The following TRAPPC3L variants were observed in gnomAD, a reference collection of about 807,000 sequenced individuals.
TRAPPC3L encodes trafficking protein particle complex subunit 3-like protein.
TRAPPC3L carries 23 observed loss-of-function variants against 23.7 expected under a neutral mutation model. The observed-to-expected ratio is 0.97, with a 90% CI of 0.70 to 1.37. The LOEUF (loss-of-function observed/expected upper bound fraction) is 1.37, where lower values mean the gene tolerates loss of function less well. Ranked by LOEUF, TRAPPC3L falls within the 40% of genes most tolerant of loss-of-function variation. TRAPPC3L has a pLI of 0.00. For synonymous variants in TRAPPC3L, 81 were observed against 77.9 expected (o/e 1.04, Z -0.21); for missense variants, 212 against 216.8 (o/e 0.98, Z 0.14).
intron 3 of TRAPPC3L, among the ~76,000 whole-genome samples, chr6:116,537,189 A>G (rs1773153467): frequency 6.6e-6 from 1 of 152,238 alleles, no homozygotes; most frequent in African/African-American, 2.4e-5. Context: ...ATTGACAAGA[A>G]AGAATCTTGC....
chr6:116,516,044 T>C (rs1772219214), intron 3 of TRAPPC3L: 2 of 1,511,010 alleles, frequency 1.3e-6, no homozygotes, highest in Non-Finnish European at 1.8e-6. Context: ...TCTGTGATCC[T>C]CCTAACGTAT....
rs1157153129 is a variant in TRAPPC3L at position 116,543,942 on chromosome 6, T to TGTCC, written c.43-546_43-543dup. On this transcript the variant is annotated intron_variant, in intron 1 of 4. Transcript: ENST00000368602. Reference sequence around the variant, plus strand: ...TATTTCCTTATAGTTCTCCAAAATATGTCCCATTTTTAGAGTAAATTATAA... The same window carrying TGTCC: ...TATTTCCTTATAGTTCTCCAAAATATGTCCGTCCCATTTTTAGAGTAAATTATAA... 4 of 1,213,288 alleles carry TGTCC rather than the reference T, an allele frequency of 3.3e-6. No homozygotes were observed. In the African/African-American group the frequency reaches 4.6e-5, roughly 14 times the overall value. The allele number at this position is 1,213,288 out of a possible 1,614,324, so 75.2% of individuals were successfully genotyped here.
chr6:116,539,978 A>G (rs1240834096), intron 3 of TRAPPC3L, among the ~76,000 whole-genome samples: 1 of 152,172 alleles, frequency 6.6e-6, no homozygotes, highest in Non-Finnish European at 1.5e-5. Flanking sequence ...GAATGACTAA[A>G]CAATATTCTT....
chr6:116,500,809 A>T (rs1404681504), intron 3 of TRAPPC3L, 143 bp from the exon 4 acceptor site: 1 of 719,820 alleles, frequency 1.4e-6, no homozygotes, highest in East Asian at 2.7e-5. Flanking sequence ...CTTCACCCTT[A>T]GCTTTGCAAT....
chr6:116,500,146 G>A (rs1292650053), intron 4 of TRAPPC3L, among the ~76,000 whole-genome samples: 1 of 152,174 alleles, frequency 6.6e-6, no homozygotes, highest in South Asian at 2.1e-4. Context: ...AGGCACTGGG[G>A]CTGTGTGAGT....
At chr6:116,535,311 G>C (rs1198880217) in intron 3 of TRAPPC3L, among the ~76,000 whole-genome samples, 1 of 152,208 alleles carries the variant, frequency 6.6e-6, no homozygotes, top group Admixed American at 6.5e-5. Flanking sequence ...GGATCAGCAG[G>C]ATGTGGACTC....
intron 3 of TRAPPC3L, among the ~76,000 whole-genome samples, chr6:116,537,945 T>C (rs533933072): frequency 7.2e-5 from 11 of 152,324 alleles, no homozygotes; most frequent in South Asian, 6.2e-4. Context: ...CTGTGGCTAA[T>C]AGAGAATGGA....
chr6:116,540,262 G>A lies in TRAPPC3L; in HGVS notation c.240+101C>T, dbSNP rs1773355115. 3 of 1,061,702 alleles carry A rather than the reference G, an allele frequency of 2.8e-6. No homozygotes were observed. The East Asian group carries it at 7.8e-5, about 28-fold the overall frequency. 65.8% of individuals were successfully genotyped at this position (1,061,702 alleles called of 1,614,324 possible). ...ATCTCCTTTCTCAGCACCTAACAAT[G>A]AATGCAGATGGAACCTGTCCAATCT... is the stretch of plus-strand genomic sequence containing the variant. On this transcript the variant is annotated intron_variant, in intron 3 of 4. Coordinates refer to ENST00000368602, the MANE Select transcript of TRAPPC3L (RefSeq NM_001139444.3).
chr6:116,544,956 G>A (rs973938576), intron 1 of TRAPPC3L, among the ~76,000 whole-genome samples: 1 of 151,854 alleles, frequency 6.6e-6, no homozygotes, highest in Non-Finnish European at 1.5e-5. Flanking sequence ...AAAAAATAAG[G>A]TTTATAAATA....
chr6:116,506,221 T>G (rs1772004776), intron 3 of TRAPPC3L, among the ~76,000 whole-genome samples: 1 of 152,156 alleles, frequency 6.6e-6, no homozygotes, highest in Admixed American at 6.5e-5. Flanking sequence ...GAACAGACAC[T>G]TGTCAAAAAA....
At chr6:116,511,967 G>A (rs375098148) in intron 3 of TRAPPC3L, 2 of 1,613,894 alleles carry the variant, frequency 1.2e-6, no homozygotes, top group South Asian at 1.1e-5. Context: ...CTTTCCCAGA[G>A]GCCACAGCTG....
chr6:116,514,547 C>T (rs1480317336), intron 3 of TRAPPC3L, among the ~76,000 whole-genome samples: 1 of 152,180 alleles, frequency 6.6e-6, no homozygotes, highest in Non-Finnish European at 1.5e-5. Flanking sequence ...TCAAATTACC[C>T]TTCAAGGTGA....
chr6:116,512,160 A>G, intron 3 of TRAPPC3L: 1 of 1,613,070 alleles, frequency 6.2e-7, no homozygotes, highest in Non-Finnish European at 8.5e-7. Context: ...GAACTTCACA[A>G]AGTATCTTGT....
At chr6:116,515,718 A>G (rs2115168378) in intron 3 of TRAPPC3L, 1 of 1,614,044 alleles carries the variant, frequency 6.2e-7, no homozygotes, top group Non-Finnish European at 8.5e-7. Flanking sequence ...ACATATGCAC[A>G]AAAGGAGAAG....
At chr6:116,498,368 G>A (rs193275357) in intron 4 of TRAPPC3L, among the ~76,000 whole-genome samples, 4 of 152,270 alleles carry the variant, frequency 2.6e-5, no homozygotes, top group Non-Finnish European at 4.4e-5. Context: ...TAGGGTAGAC[G>A]CATGGAGAAT....
At chr6:116,527,227 A>G (rs1772455806) in intron 3 of TRAPPC3L, among the ~76,000 whole-genome samples, 1 of 152,150 alleles carries the variant, frequency 6.6e-6, no homozygotes, top group Admixed American at 6.5e-5. Context: ...TTCTTTATTA[A>G]AGATTCCCGG....
chr6:116,543,662 A>C (rs1773598123), intron 1 of TRAPPC3L: 2 of 721,196 alleles, frequency 2.8e-6, no homozygotes, highest in Admixed American at 5.7e-5. Flanking sequence ...ATTTGCTTAC[A>C]TGATAACTTG....
chr6:116,544,799 AAATTAC>A, intron 1 of TRAPPC3L, among the ~76,000 whole-genome samples: 1 of 152,092 alleles, frequency 6.6e-6, no homozygotes, highest in Non-Finnish European at 1.5e-5. Flanking sequence ...ACCAAGTCTG[AAATTAC>A]TTAATTATAT....
At chr6:116,528,558 A>G (rs1772520734) in intron 3 of TRAPPC3L, among the ~76,000 whole-genome samples, 1 of 152,238 alleles carries the variant, frequency 6.6e-6, no homozygotes, top group African/African-American at 2.4e-5. Flanking sequence ...AATAATTTAT[A>G]AATTGTTTTT....
Sources: gnomAD v4.1 joint callset for allele counts (sites outside exome capture counted in the v4.1 genomes callset) on GRCh38, gnomAD v4.1.1 for gene constraint, MANE v1.5 for transcripts, NCBI Gene and HGNC (gene_info 2026-07-23, HGNC 2026-07-21) for gene names.